Variants in ABCC9 observed in about 807,000 individuals in gnomAD.
ABCC9 encodes ATP binding cassette subfamily C member 9, also known as ATP-binding cassette sub-family C member 9.
A neutral mutation model predicts 188.3 loss-of-function variants in ABCC9; 95 were observed. The ratio of observed to expected loss-of-function variants is 0.50; its 90% CI spans 0.43 to 0.60. The LOEUF (loss-of-function observed/expected upper bound fraction) is 0.60. Among genes scored for constraint, ABCC9 ranks in the 20% least tolerant of loss-of-function variants. The probability of loss-of-function intolerance (pLI) is 0.00; values close to 1 mark genes in which losing one functional copy is unlikely to be tolerated. For synonymous variants in ABCC9, 659 were observed against 652.7 expected, an observed-to-expected ratio of 1.01 and a Z score of -0.15; for missense variants, 1,102 against 1,876.3, an observed-to-expected ratio of 0.59 and a Z score of 7.62.
At chr12:21,868,721 A>T (rs1417090644) in intron 18 of ABCC9, among the ~76,000 whole-genome samples, 1 of 152,198 alleles carries the variant, frequency 6.6e-6, no homozygotes, top group Non-Finnish European at 1.5e-5. Context: ...GTGTCTTACC[A>T]TATCATTTAG....
intron 5 of ABCC9, chr12:21,922,964 A>G (rs1948890368): frequency 6.6e-6 from 1 of 151,552 alleles, no homozygotes; most frequent in East Asian, 1.9e-4. Flanking sequence ...TAGAGCCAAA[A>G]TAGATTAAAT....
chr12:21,885,971 A>G (rs1204426755), intron 15 of ABCC9, among the ~76,000 whole-genome samples: 1 of 152,160 alleles, frequency 6.6e-6, no homozygotes, highest in African/African-American at 2.4e-5. Context: ...GTTGGTTCAC[A>G]TAAATGGTAA....
intron 37 of ABCC9, among the ~76,000 whole-genome samples, chr12:21,809,033 A>C (rs1430419486): frequency 1.3e-5 from 2 of 152,158 alleles, no homozygotes; most frequent in African/African-American, 2.4e-5. Context: ...CTTTTTAAAA[A>C]CTAGATGCCA....
chr12:21,890,875 AC>A (rs1259280927), intron 14 of ABCC9, among the ~76,000 whole-genome samples: 1 of 152,042 alleles, frequency 6.6e-6, no homozygotes. Flanking sequence ...ATGCTAAATG[AC>A]GAGTTAATGG....
In ABCC9 at chr12:21,844,844, A is replaced by C; in HGVS notation, c.3168T>G (p.Thr1056=). The change falls in exon 27 of 40, where the codon ACT becomes ACG. Residue 1056 remains threonine (T), a synonymous_variant. Transcript: ENST00000261200. ...GIFLCLVTSL[T]VEWMGLTAAK... ...CAGCTGTGAGACCCATCCATTCTACAGTGAGGGATGTAACAAGGCAAAGGA... is the reference window on the plus strand; with the variant it reads ...CAGCTGTGAGACCCATCCATTCTACCGTGAGGGATGTAACAAGGCAAAGGA... 1.9e-6 allele frequency: 3 copies of C among 1,613,992 alleles called. No homozygotes were observed. The highest frequency in any genetic ancestry group is 2.5e-6 in the Non-Finnish European group (3 of 1,179,874).
At chr12:21,804,678 C>A (rs1213498629) in intron 39 of ABCC9, among the ~76,000 whole-genome samples, 1 of 152,186 alleles carries the variant, frequency 6.6e-6, no homozygotes, top group Non-Finnish European at 1.5e-5. Context: ...GATGGGACAT[C>A]ATTTCCTGCC....
intron 4 of ABCC9, among the ~76,000 whole-genome samples, chr12:21,928,039 G>GTGAA (rs1949110377): frequency 6.6e-6 from 1 of 151,968 alleles, no homozygotes; most frequent in Admixed American, 6.6e-5. Flanking sequence ...GGGCAACATG[G>GTGAA]TGAAACTCCA....
rs567973291 is a variant in ABCC9 at position 21,910,481 on chromosome 12, G to C, written c.1165-169C>G. The stretch of plus-strand genomic sequence containing the variant: ...AGCCACTACAGTTATTTCTACTTCA[G>C]TATAGTTATTTTCAGTCCTTAACCA... On this transcript the variant is annotated intron_variant, in intron 9 of 39. Coordinates refer to ENST00000261200, the MANE Select transcript of ABCC9 (RefSeq NM_020297.4). Among the ~76,000 whole-genome samples, 11 of 151,918 alleles carry C rather than the reference G, an allele frequency of 7.2e-5. No individual in the cohort carries two copies. The East Asian group carries it at 1.5e-3, about 21-fold the overall frequency.
chr12:21,858,252 T>C (rs1021446089), intron 22 of ABCC9, among the ~76,000 whole-genome samples: 1 of 152,048 alleles, frequency 6.6e-6, no homozygotes, highest in African/African-American at 2.4e-5. Flanking sequence ...AGAAGTCATT[T>C]CTAGTTGTGG....
At chr12:21,825,157 C>T (rs974617228) in intron 31 of ABCC9, among the ~76,000 whole-genome samples, 2 of 152,076 alleles carry the variant, frequency 1.3e-5, no homozygotes, top group Admixed American at 6.6e-5. Context: ...ATGCTAGAGA[C>T]GATGTGGAGA....
intron 7 of ABCC9, among the ~76,000 whole-genome samples, chr12:21,914,442 A>G (rs188985357): frequency 6.6e-6 from 1 of 152,318 alleles, no homozygotes; most frequent in African/African-American, 2.4e-5. Flanking sequence ...GCCATATAGG[A>G]TGATACATGG....
intron 30 of ABCC9, among the ~76,000 whole-genome samples, chr12:21,832,571 A>G (rs1240264862): frequency 1.3e-5 from 2 of 152,260 alleles, no homozygotes; most frequent in South Asian, 2.1e-4. Flanking sequence ...TAAAACCACA[A>G]TGAGACACCA....
At chr12:21,849,552 C>T (rs1014513177) in intron 24 of ABCC9, among the ~76,000 whole-genome samples, 2 of 151,986 alleles carry the variant, frequency 1.3e-5, no homozygotes, top group Admixed American at 1.3e-4. Flanking sequence ...GATTCCAGTT[C>T]GATTCCCCAT....
chr12:21,815,286 GTT>G lies in ABCC9; in HGVS notation c.4023+475_4023+476del, dbSNP rs201636994. 4.5e-3 allele frequency among the ~76,000 whole-genome samples: 596 copies of G among 132,280 alleles called. 1 individual carries two copies. The highest frequency in any genetic ancestry group is 0.015 in the African/African-American group (547 of 36,880). 86.8% of individuals were successfully genotyped at this position (132,280 alleles called of 152,430 possible). A position where few individuals can be genotyped will look rare whatever the true frequency, so the allele number is the denominator to read the frequency against. On this transcript the variant is annotated intron_variant, in intron 34 of 39. Transcript: ENST00000261200. The stretch of plus-strand genomic sequence containing the variant: ...GTGATTGCCTTGTTTTTTCTTCATG[GTT>G]TTTTTTTTTTTTTGCATTTAGTATA...
At position 21,829,060 on chromosome 12, in the gene ABCC9, C is replaced by A; in HGVS notation, c.3567G>T (p.Arg1189Ser). 4 of 1,612,902 alleles carry A rather than the reference C, an allele frequency of 2.5e-6. No homozygotes were observed. Among genetic ancestry groups the A allele is most frequent in the Non-Finnish European group, 3.4e-6 (4 of 1,179,132 alleles). ...TACGTTGTTTAAATCTGGTTTCATG[C>A]CTGCAGAAAACAAAAACACGATGTT... ...AEGLTTIRAFRHETRFKQRML... is the reference protein window; with the variant it reads ...AEGLTTIRAFSHETRFKQRML... Residue 1189 changes from arginine to serine, a missense_variant and splice_region_variant, in exon 31 of 40, where the codon AGG (arginine) becomes AGT (serine). Coordinates refer to ENST00000261200, the MANE Select transcript of ABCC9 (RefSeq NM_020297.4).
intron 12 of ABCC9, among the ~76,000 whole-genome samples, chr12:21,905,062 A>AT (rs1440328987): frequency 6.6e-6 from 1 of 152,230 alleles, no homozygotes; most frequent in East Asian, 1.9e-4. Flanking sequence ...GATTAAGAAA[A>AT]TGTGGCACAT....
intron 30 of ABCC9, among the ~76,000 whole-genome samples, chr12:21,829,325 C>A (rs1392517240): frequency 1.3e-5 from 2 of 150,808 alleles, no homozygotes; most frequent in East Asian, 4.0e-4. Context: ...CCTCAGCCTC[C>A]TGAGTAGCTG....
At chr12:21,854,157 C>T (rs1229733710) in intron 22 of ABCC9, among the ~76,000 whole-genome samples, 2 of 152,122 alleles carry the variant, frequency 1.3e-5, no homozygotes, top group Non-Finnish European at 2.9e-5. Flanking sequence ...GCTTAATAAT[C>T]TGAATAATGA....
At chr12:21,922,137 A>G (rs564051903) in intron 5 of ABCC9, among the ~76,000 whole-genome samples, 1 of 152,082 alleles carries the variant, frequency 6.6e-6, no homozygotes, top group East Asian at 1.9e-4. Context: ...ATTGCATTAA[A>G]TCTGTAGATT....
Sources: gnomAD v4.1 joint callset for allele counts (sites outside exome capture counted in the v4.1 genomes callset) on GRCh38, gnomAD v4.1.1 for gene constraint, MANE v1.5 for transcripts, NCBI Gene and HGNC (gene_info 2026-07-23, HGNC 2026-07-21) for gene names.